WDR77: variants seen among roughly 807,000 people sequenced by gnomAD.
The protein encoded by WDR77 is WD repeat domain 77.
A neutral mutation model predicts 44.0 loss-of-function variants in WDR77; 31 were observed. The ratio of observed to expected loss-of-function variants is 0.70; its 90% CI spans 0.53 to 0.95. WDR77 has a LOEUF of 0.95. WDR77 is among the 40% of genes least tolerant of loss of function. The pLI is 0.00. For missense variants in WDR77, 390 were observed against 423.9 expected, an observed-to-expected ratio of 0.92 and a Z score of 0.70; for synonymous variants, 186 against 165.7, an observed-to-expected ratio of 1.12 and a Z score of -0.94.
chr1:111,441,604 G>A lies in WDR77; in HGVS notation c.870-215C>T, dbSNP rs757844565. 199 of 1,295,256 alleles carry A rather than the reference G, an allele frequency of 1.5e-4. 1 individual carries two copies. The highest frequency in any genetic ancestry group is 1.9e-4 in the Non-Finnish European group (194 of 1,022,622). 80.2% of individuals were successfully genotyped at this position (1,295,256 alleles called of 1,614,324 possible). On this transcript the variant is annotated intron_variant, in intron 9 of 9. Coordinates refer to ENST00000235090, the MANE Select transcript of WDR77 (RefSeq NM_024102.4). ...CTTCTATTTTCATAGATGAAGAAAT[G>A]CTGGATAGAACAAGACAGTGATGAG... is the stretch of plus-strand genomic sequence containing the variant.
intron 6 of WDR77, 73 bp downstream of exon 6, chr1:111,443,794 G>T: frequency 6.2e-7 from 1 of 1,607,498 alleles, no homozygotes; most frequent in South Asian, 1.1e-5. Flanking sequence ...ACTATGCTTT[G>T]ACACTGGCCA....
intron 9 of WDR77, 78 bp downstream of exon 9, chr1:111,441,947 G>A (rs1652833556): frequency 7.3e-7 from 1 of 1,365,350 alleles, no homozygotes; most frequent in South Asian, 1.2e-5. Flanking sequence ...GCACAACACA[G>A]TTTTCTGAAG....
intron 7 of WDR77, 137 bp from the exon 8 acceptor site, chr1:111,442,898 A>C: frequency 1.8e-6 from 1 of 555,652 alleles, no homozygotes; most frequent in African/African-American, 1.9e-5. Flanking sequence ...TAGGAATAAT[A>C]AGTCACTGGA....
intron 2 of WDR77, among the ~76,000 whole-genome samples, chr1:111,448,060 G>T (rs1255451766): frequency 6.6e-6 from 1 of 152,166 alleles, no homozygotes. Context: ...GTTAAGTATA[G>T]AGAATCCGCC....
At chr1:111,446,701 G>C (rs2101746789) in intron 4 of WDR77, 1 of 169,544 alleles carries the variant, frequency 5.9e-6, no homozygotes, top group African/African-American at 2.4e-5. Flanking sequence ...GAACTTAGTG[G>C]CCAACCGATG....
chr1:111,446,521 C>T (rs1653038426), intron 4 of WDR77, among the ~76,000 whole-genome samples: 1 of 151,846 alleles, frequency 6.6e-6, no homozygotes, highest in African/African-American at 2.4e-5. Context: ...AATGCCATGA[C>T]AAGAAAATGG....
At chr1:111,442,306 C>G (rs969264199) in intron 8 of WDR77, among the ~76,000 whole-genome samples, 1 of 152,234 alleles carries the variant, frequency 6.6e-6, no homozygotes, top group Non-Finnish European at 1.5e-5. Flanking sequence ...ATCCTGGCAA[C>G]TAACCACCCC....
chr1:111,448,480 C>T, intron 2 of WDR77, 139 bp downstream of exon 2: 2 of 935,118 alleles, frequency 2.1e-6, no homozygotes, highest in Non-Finnish European at 3.3e-6. Context: ...CAAGAGTTTG[C>T]ATTCGGGGCC....
In WDR77 at chr1:111,448,679, C is replaced by T; in HGVS notation, c.241G>A (p.Ala81Thr). The T allele has an allele frequency of 6.2e-7, 1 of 1,614,208 alleles. No individual in the cohort carries two copies. Among genetic ancestry groups the T allele is most frequent in the South Asian group, 1.1e-5 (1 of 91,078 alleles). The stretch of plus-strand genomic sequence containing the variant: ...ACCCAAGTGAGGTCAGCCACTCCAG[C>T]CTCCGTTTGGACTCCGGCGGAGCAG... ...GFCSAGVQTE[A>T]GVADLTWVGE... is the part of the protein sequence containing the mutation. Residue 81 changes from alanine to threonine, a missense_variant, in exon 2 of 10, where the codon GCT (alanine) becomes ACT (threonine). Ala to Thr is a moderately conservative substitution (Grantham distance 58). Transcript: ENST00000235090.
In WDR77 at chr1:111,443,347, G is replaced by A; in HGVS notation, c.667C>T (p.Gln223Ter). 1 of 1,552,052 alleles carries A rather than the reference G, an allele frequency of 6.4e-7. No individual in the cohort carries two copies. The highest frequency in any genetic ancestry group is 8.7e-7 in the Non-Finnish European group (1 of 1,147,176). The change falls in exon 7 of 10, where the codon CAG (glutamine) becomes TAG (stop). Residue 223 changes from glutamine to a stop codon, truncating the protein, a stop_gained. Transcript: ENST00000235090. LOFTEE classifies it high-confidence loss of function. ...CCAAAGACAAAGACTTCACTTTGCT[G>A]AGGATGCCAAGCCAGCGAGGTAGGA... ...YLPTSLAWHP[Q>*]QSEVFVFGDE... is the part of the protein sequence containing the mutation.
intron 1 of WDR77, 91 bp downstream of exon 1, chr1:111,448,964 C>G: frequency 6.5e-7 from 1 of 1,538,266 alleles, no homozygotes; most frequent in Non-Finnish European, 8.7e-7. Flanking sequence ...GGATAACATG[C>G]AGGGCGGGGA....
intron 1 of WDR77, 41 bp from the exon 2 acceptor site, chr1:111,448,845 G>T: frequency 6.4e-7 from 1 of 1,552,530 alleles, no homozygotes; most frequent in South Asian, 1.2e-5. Context: ...AGGGTAGAAG[G>T]GTTCGCCTCC....
At position 111,443,306 on chromosome 1, in the gene WDR77, C is replaced by T. The variant is rs1422947226; in HGVS notation, c.691+17G>A. On this transcript the variant is annotated intron_variant, in intron 7 of 9. Coordinates refer to ENST00000235090, the MANE Select transcript of WDR77 (RefSeq NM_024102.4). Reference sequence around the variant, plus strand: ...CCCTTTCCCAGAGTCAATATGAAGTCTGACACGCTGCCTTACCAAAGACAA... The same window carrying T: ...CCCTTTCCCAGAGTCAATATGAAGTTTGACACGCTGCCTTACCAAAGACAA... 6.4e-7 allele frequency: 1 copy of T among 1,550,882 alleles called. No individual in the cohort carries two copies. The highest frequency in any genetic ancestry group is 8.7e-7 in the Non-Finnish European group (1 of 1,146,542).
intron 4 of WDR77, among the ~76,000 whole-genome samples, chr1:111,444,480 CA>C (rs1652943987): frequency 6.6e-6 from 1 of 152,016 alleles, no homozygotes; most frequent in Non-Finnish European, 1.5e-5. Flanking sequence ...AAGTAGTATA[CA>C]AAAACTTTTG....
At position 111,447,551 on chromosome 1, in the gene WDR77, A is replaced by T. The variant is rs747442821; in HGVS notation, c.327T>A (p.Asp109Glu). The part of the protein sequence containing the change: ...DSGAVELWEL[D>E]ENETLIVSKF... ...TGCTGACAATAAGTGTCTCATTCTC[A>T]TCTAGTTCCCACAATTCAACAGCAC... Residue 109 changes from aspartate to glutamate, a missense_variant, in exon 3 of 10, where the codon GAT becomes GAA. Physicochemically the swap from Asp to Glu is conservative, Grantham distance 45. Coordinates refer to ENST00000235090, the MANE Select transcript of WDR77 (RefSeq NM_024102.4). The T allele has an allele frequency of 6.2e-7, 1 of 1,614,114 alleles. No homozygotes were observed. The highest frequency in any genetic ancestry group is 2.2e-5 in the East Asian group (1 of 44,890).
In WDR77 at chr1:111,448,540, G is replaced by A. The variant is rs961064874; in HGVS notation, c.301+79C>T. The A allele has an allele frequency of 1.1e-5, 18 of 1,568,016 alleles. No homozygotes were observed. In the African/African-American group the frequency reaches 2.3e-4, roughly 20 times the overall value. On this transcript the variant is annotated intron_variant, in intron 2 of 9. Coordinates refer to ENST00000235090, the MANE Select transcript of WDR77 (RefSeq NM_024102.4). ...CTGAGTATAGGACGTTAGATATTGA[G>A]CTCAACCCTACGGTACCCCAAGTCT...
Position 111,444,103 on chromosome 1 carries a change from C to T in WDR77, c.515G>A (p.Cys172Tyr), listed in dbSNP as rs1652924235. The T allele has an allele frequency of 6.2e-7, 1 of 1,613,850 alleles. No individual in the cohort carries two copies. ...SYRAHAAQVT[C>Y]VAASPHKDSV... ...GTCCTTGTGAGGAGAGGCAGCAACACAAGTGACCTGAGCAGCATGAGCTAT... is the reference window on the plus strand; with the variant it reads ...GTCCTTGTGAGGAGAGGCAGCAACATAAGTGACCTGAGCAGCATGAGCTAT... The change falls in exon 5 of 10, where the codon TGT (cysteine) becomes TAT (tyrosine). Residue 172 changes from cysteine to tyrosine, a missense_variant. Transcript: ENST00000235090.
intron 4 of WDR77, 82 bp from the exon 5 acceptor site, chr1:111,444,206 G>T: frequency 1.4e-6 from 2 of 1,385,910 alleles, no homozygotes; most frequent in Non-Finnish European, 2.0e-6. Flanking sequence ...TAATCAAGGG[G>T]CAGGAGGGAG....
intron 4 of WDR77, among the ~76,000 whole-genome samples, chr1:111,444,437 T>C (rs1047413897): frequency 1.3e-5 from 2 of 152,072 alleles, no homozygotes; most frequent in East Asian, 1.9e-4. Context: ...AATTCTAGAA[T>C]AGCAGTCTTC....
Sources: gnomAD v4.1 joint callset for allele counts (sites outside exome capture counted in the v4.1 genomes callset) on GRCh38, gnomAD v4.1.1 for gene constraint, MANE v1.5 for transcripts, NCBI Gene and HGNC (gene_info 2026-07-23, HGNC 2026-07-21) for gene names.